SLC12A2: variants seen among roughly 807,000 people sequenced by gnomAD.
SLC12A2 encodes Na-K-2Cl cotransporter 1.
A neutral mutation model predicts 136.3 loss-of-function variants in SLC12A2; 67 were observed. The observed-to-expected ratio is 0.49, with a 90% CI of 0.40 to 0.60. The LOEUF (loss-of-function observed/expected upper bound fraction) is 0.60, where lower values mean the gene tolerates loss of function less well. Ranked by LOEUF, SLC12A2 falls within the 20% of genes least tolerant of loss-of-function variation. SLC12A2 has a pLI of 0.00. For missense variants in SLC12A2, 1,322 were observed against 1,534.7 expected (o/e 0.86, Z 2.32); for synonymous variants, 619 against 562.9 (o/e 1.10, Z -1.41).
At chr5:128,145,173 A>G (rs1762490719) in intron 10 of SLC12A2, among the ~76,000 whole-genome samples, 1 of 152,114 alleles carries the variant, frequency 6.6e-6, no homozygotes, top group Admixed American at 6.6e-5. Context: ...ACTTCAATTT[A>G]TAACTGATGG....
chr5:128,114,290 A>C lies in SLC12A2; in HGVS notation c.952+3A>C. ...GATTGTGGGTCAAGCTGGAATAGGT[A>C]AGTGAAGTTATATCCTGCTTGATTT... On this transcript the variant is annotated splice_donor_region_variant and intron_variant, in intron 3 of 26. Coordinates refer to ENST00000262461, the MANE Select transcript of SLC12A2 (RefSeq NM_001046.3). 1 of 1,606,700 alleles carries C rather than the reference A, an allele frequency of 6.2e-7. No individual in the cohort carries two copies. The highest frequency in any genetic ancestry group is 8.5e-7 in the Non-Finnish European group (1 of 1,173,536).
chr5:128,101,170 A>C (rs1424957186), intron 1 of SLC12A2, among the ~76,000 whole-genome samples: 1 of 152,172 alleles, frequency 6.6e-6, no homozygotes, highest in South Asian at 2.1e-4. Flanking sequence ...TACACTGAAT[A>C]CACCAATCAC....
At chr5:128,112,586 T>G (rs73784514) in intron 1 of SLC12A2, among the ~76,000 whole-genome samples, 1 of 152,288 alleles carries the variant, frequency 6.6e-6, no homozygotes, top group African/African-American at 2.4e-5. Flanking sequence ...TAAAATGGAT[T>G]TACTGTCATA....
At position 128,095,836 on chromosome 5, in the gene SLC12A2, A is replaced by G. The variant is rs1760515714; in HGVS notation, c.756+11126A>G. 2.0e-5 allele frequency among the ~76,000 whole-genome samples: 3 copies of G among 152,142 alleles called. No individual in the cohort carries two copies. In the South Asian group the frequency reaches 6.2e-4, roughly 31 times the overall value. Reference sequence around the variant, plus strand: ...TTTTAGAGTTTTCCTGGTGATTCTTAGAGAGGCTGGTTTGAGAATTGGTGA... The same window carrying G: ...TTTTAGAGTTTTCCTGGTGATTCTTGGAGAGGCTGGTTTGAGAATTGGTGA... On this transcript the variant is annotated intron_variant, in intron 1 of 26. Transcript: ENST00000262461.
At chr5:128,168,409 A>G (rs1449224829) in intron 18 of SLC12A2, 1 of 152,118 alleles carries the variant, frequency 6.6e-6, no homozygotes, top group African/African-American at 2.4e-5. Flanking sequence ...AGTTCACTGT[A>G]ACTTCCGTTT....
intron 20 of SLC12A2, among the ~76,000 whole-genome samples, chr5:128,175,656 C>T (rs557887080): frequency 8.1e-4 from 123 of 152,048 alleles, no homozygotes; most frequent in Admixed American, 2.2e-3. Context: ...GTTACCCATA[C>T]ATTAGCTAAT....
intron 1 of SLC12A2, among the ~76,000 whole-genome samples, chr5:128,094,602 A>C (rs531719783): frequency 6.6e-6 from 1 of 152,158 alleles, no homozygotes; most frequent in South Asian, 2.1e-4. Context: ...CATTGAATAT[A>C]AAATAGAAAA....
intron 1 of SLC12A2, among the ~76,000 whole-genome samples, chr5:128,089,028 C>T (rs576257865): frequency 1.8e-4 from 27 of 151,954 alleles, no homozygotes; most frequent in African/African-American, 6.0e-4. Context: ...ATTAGCCAGG[C>T]GTGGTGGCGC....
chr5:128,159,269 GACTTAA>G lies in SLC12A2; in HGVS notation c.2475+1112_2475+1117del, dbSNP rs577387199. On this transcript the variant is annotated intron_variant, in intron 16 of 26. Transcript: ENST00000262461. ...TATACAAAAATTAAGATGGATTAAA[GACTTAA>G]ACTTAAGACCTAAAACATAAAAACC... Among the ~76,000 whole-genome samples the G allele has an allele frequency of 3.9e-3, 600 of 152,044 alleles. 3 individuals carry two copies. The highest frequency in any genetic ancestry group is 0.014 in the African/African-American group (577 of 41,474).
intron 4 of SLC12A2, among the ~76,000 whole-genome samples, chr5:128,117,742 C>T (rs1033982249): frequency 6.6e-6 from 1 of 152,118 alleles, no homozygotes; most frequent in Non-Finnish European, 1.5e-5. Flanking sequence ...AACTAAAAAG[C>T]TTCTGCACAG....
chr5:128,130,187 A>G lies in SLC12A2; in HGVS notation c.1049-880A>G, dbSNP rs550422840. 1.2e-4 allele frequency among the ~76,000 whole-genome samples: 18 copies of G among 152,204 alleles called. No individual in the cohort carries two copies. The South Asian group carries it at 3.7e-3, about 32-fold the overall frequency. On this transcript the variant is annotated intron_variant, in intron 4 of 26. Coordinates refer to ENST00000262461, the MANE Select transcript of SLC12A2 (RefSeq NM_001046.3). ...GCACTTTTGGGAGGCTGAAGTGGGC[A>G]GATCACTTGAGGTCAGGGGTTTGAG...
intron 1 of SLC12A2, among the ~76,000 whole-genome samples, chr5:128,098,948 C>T (rs1169961860): frequency 6.6e-6 from 1 of 152,110 alleles, no homozygotes; most frequent in East Asian, 1.9e-4. Context: ...GCTTTACTCT[C>T]AGCCATTTAA....
chr5:128,158,671 C>G (rs937132216), intron 16 of SLC12A2, among the ~76,000 whole-genome samples: 10 of 152,138 alleles, frequency 6.6e-5, no homozygotes, highest in African/African-American at 2.4e-4. Context: ...CGTACGCATG[C>G]ATGTGTCTTT....
At chr5:128,093,884 T>C (rs1760427155) in intron 1 of SLC12A2, among the ~76,000 whole-genome samples, 2 of 152,122 alleles carry the variant, frequency 1.3e-5, no homozygotes, top group South Asian at 4.1e-4. Flanking sequence ...GCTCCCTGCA[T>C]TGTCTATTTC....
chr5:128,185,184 C>T (rs1279128788), intron 26 of SLC12A2, among the ~76,000 whole-genome samples: 1 of 152,078 alleles, frequency 6.6e-6, no homozygotes, highest in Non-Finnish European at 1.5e-5. Flanking sequence ...ATAGGAGGGT[C>T]CTACGTTAAA....
intron 9 of SLC12A2, 73 bp from the exon 10 acceptor site, chr5:128,141,757 T>TA: frequency 1.6e-6 from 2 of 1,277,712 alleles, no homozygotes; most frequent in Admixed American, 4.5e-5. Context: ...TTTATAAATA[T>TA]ATATATGTAT....
At chr5:128,114,387 T>A in intron 3 of SLC12A2, 100 bp downstream of exon 3, 1 of 943,028 alleles carries the variant, frequency 1.1e-6, no homozygotes, top group Non-Finnish European at 1.7e-6. Context: ...CATTTTTAAC[T>A]ACGTTTTCCT....
Position 128,083,949 on chromosome 5 carries a change from G to A in SLC12A2, c.-6G>A. 8.1e-7 allele frequency: 1 copy of A among 1,231,382 alleles called. No individual in the cohort carries two copies. Among genetic ancestry groups the A allele is most frequent in the Non-Finnish European group, 1.0e-6 (1 of 986,478 alleles). The allele number at this position is 1,231,382 out of a possible 1,614,324, so 76.3% of individuals were successfully genotyped here. A position where few individuals can be genotyped will look rare whatever the true frequency, so the allele number is the denominator to read the frequency against. ...GCTCTGCAGTTCCGCCGGGGGTCGG[G>A]CAGCTATGGAGCCGCGGCCCACGGC... On this transcript the variant is annotated 5_prime_UTR_variant, in exon 1 of 27. Coordinates refer to ENST00000262461, the MANE Select transcript of SLC12A2 (RefSeq NM_001046.3).
intron 1 of SLC12A2, chr5:128,109,443 T>C (rs1761064476): frequency 2.4e-6 from 1 of 417,800 alleles, no homozygotes; most frequent in Non-Finnish European, 4.6e-6. Context: ...CGTCTTACAC[T>C]TCTTCATTTA....
Sources: gnomAD v4.1 joint callset for allele counts (sites outside exome capture counted in the v4.1 genomes callset) on GRCh38, gnomAD v4.1.1 for gene constraint, MANE v1.5 for transcripts, NCBI Gene and HGNC (gene_info 2026-07-23, HGNC 2026-07-21) for gene names.